The following CWC22 variants were observed in gnomAD, a reference collection of about 807,000 sequenced individuals.
CWC22 encodes pre-mRNA-splicing factor CWC22 homolog.
Under a neutral mutation model 117.2 loss-of-function variants are expected in CWC22, and 53 were observed. The ratio of observed to expected loss-of-function variants is 0.45; its 90% CI spans 0.36 to 0.57. The LOEUF (loss-of-function observed/expected upper bound fraction) is 0.57. Among genes scored for constraint, CWC22 ranks in the 20% least tolerant of loss-of-function variants. CWC22 has a pLI of 0.00. For synonymous variants in CWC22, 360 were observed against 355.6 expected (o/e 1.01, Z -0.14); for missense variants, 980 against 1,068.8 (o/e 0.92, Z 1.16).
chr2:179,973,606 A>C (rs1575648602), intron 7 of CWC22, 28 bp downstream of exon 7: 2 of 1,421,128 alleles, frequency 1.4e-6, no homozygotes, highest in East Asian at 4.7e-5. Flanking sequence ...CCTATGTATC[A>C]TTCTACTTAC....
At chr2:180,005,198 T>C (rs1246667977) in intron 1 of CWC22, among the ~76,000 whole-genome samples, 1 of 152,200 alleles carries the variant, frequency 6.6e-6, no homozygotes, top group Non-Finnish European at 1.5e-5. Context: ...TCAAAGTTCT[T>C]GGCCTTTAAC....
intron 4 of CWC22, 69 bp downstream of exon 4, chr2:179,986,626 T>A (rs531062203): frequency 1.5e-5 from 13 of 879,394 alleles, no homozygotes; most frequent in Middle Eastern, 4.4e-4. Flanking sequence ...TTGTTTTTAT[T>A]ACAAATGTAG....
chr2:179,993,194 C>T (rs947865496), intron 2 of CWC22, 121 bp downstream of exon 2: 3 of 725,028 alleles, frequency 4.1e-6, no homozygotes, highest in South Asian at 1.8e-5. Context: ...ACTTTTGCAC[C>T]AACCTAAGTG....
At chr2:180,003,130 C>T (rs1687885919) in intron 1 of CWC22, among the ~76,000 whole-genome samples, 1 of 152,194 alleles carries the variant, frequency 6.6e-6, no homozygotes, top group South Asian at 2.1e-4. Flanking sequence ...GTTGTCTCAC[C>T]TATTAACTCC....
At chr2:179,945,964 C>A (rs1316902874) in intron 19 of CWC22, among the ~76,000 whole-genome samples, 1 of 152,092 alleles carries the variant, frequency 6.6e-6, no homozygotes, top group Non-Finnish European at 1.5e-5. Flanking sequence ...CTCACTGCAA[C>A]CTCCGCCTCC....
intron 19 of CWC22, among the ~76,000 whole-genome samples, chr2:179,946,811 A>C (rs1234864305): frequency 6.6e-6 from 1 of 152,154 alleles, no homozygotes. Context: ...CTTCCTGCAA[A>C]AACAATAGTT....
At chr2:179,963,484 A>C (rs904670211) in intron 13 of CWC22, among the ~76,000 whole-genome samples, 4 of 150,728 alleles carry the variant, frequency 2.7e-5, no homozygotes, top group Non-Finnish European at 4.4e-5. Context: ...CTGGGACTAC[A>C]GGCGCCCGCT....
chr2:179,950,704 T>C lies in CWC22; in HGVS notation c.1948A>G (p.Thr650Ala). The stretch of plus-strand genomic sequence containing the variant: ...TTCTGCGCCACAATGACCTTTGGTG[T>C]ATTTTTGAGATGCTCCCGCAGTTCA... ...TDELREHLKN[T>A]PKVIVAQKPD... Residue 650 changes from threonine (T) to alanine (A), a missense_variant, in exon 19 of 20, where the codon ACA becomes GCA. Transcript: ENST00000410053. 1 of 1,613,638 alleles carries C rather than the reference T, an allele frequency of 6.2e-7. No homozygotes were observed. Among genetic ancestry groups the C allele is most frequent in the Non-Finnish European group, 8.5e-7 (1 of 1,179,586 alleles).
At chr2:179,963,176 G>C (rs771885720) in intron 13 of CWC22, among the ~76,000 whole-genome samples, 22 of 151,856 alleles carry the variant, frequency 1.4e-4, no homozygotes, top group Non-Finnish European at 2.5e-4. Context: ...CAAAGTTAAT[G>C]TAACTGCAAT....
intron 14 of CWC22, among the ~76,000 whole-genome samples, chr2:179,956,741 C>T (rs992900649): frequency 6.6e-6 from 1 of 151,526 alleles, no homozygotes; most frequent in Non-Finnish European, 1.5e-5. Context: ...TTTCTAAATT[C>T]TACCAAATTA....
At chr2:180,005,699 G>C (rs967881524) in intron 1 of CWC22, among the ~76,000 whole-genome samples, 2 of 152,198 alleles carry the variant, frequency 1.3e-5, no homozygotes, top group Non-Finnish European at 2.9e-5. Context: ...CTGTATCATA[G>C]TAGTAATTTA....
intron 1 of CWC22, among the ~76,000 whole-genome samples, chr2:179,997,259 A>G (rs548727066): frequency 7.2e-5 from 11 of 152,238 alleles, no homozygotes; most frequent in Admixed American, 2.6e-4. Flanking sequence ...GTGATACAAT[A>G]TGGACTCTAA....
intron 1 of CWC22, among the ~76,000 whole-genome samples, chr2:180,004,269 T>C (rs1411777325): frequency 6.6e-6 from 1 of 152,246 alleles, no homozygotes; most frequent in Non-Finnish European, 1.5e-5. Flanking sequence ...AGTTAAGGCA[T>C]GGGCATCTGA....
At chr2:179,972,982 C>CT (rs1016274056) in intron 8 of CWC22, among the ~76,000 whole-genome samples, 2 of 151,456 alleles carry the variant, frequency 1.3e-5, no homozygotes, top group African/African-American at 4.9e-5. Context: ...GCACTCCAGC[C>CT]TGGGCGACAG....
At chr2:179,962,476 A>G (rs1686777957) in intron 13 of CWC22, among the ~76,000 whole-genome samples, 1 of 152,156 alleles carries the variant, frequency 6.6e-6, no homozygotes, top group Non-Finnish European at 1.5e-5. Flanking sequence ...TACAGTTAAG[A>G]AAATACTACA....
At chr2:179,959,190 A>AT in intron 13 of CWC22, 108 bp from the exon 14 acceptor site, 1 of 720,844 alleles carries the variant, frequency 1.4e-6, no homozygotes, top group Non-Finnish European at 2.3e-6. Flanking sequence ...TTTAACTGTA[A>AT]TTTCATATTG....
intron 1 of CWC22, among the ~76,000 whole-genome samples, chr2:180,006,601 A>T: frequency 6.6e-6 from 1 of 152,230 alleles, no homozygotes; most frequent in East Asian, 1.9e-4. Context: ...TGCCGGCAAG[A>T]GGCATAAGAG....
At position 179,965,887 on chromosome 2, in the gene CWC22, C is replaced by G; in HGVS notation, c.1306G>C (p.Asp436His). The G allele has an allele frequency of 6.6e-7, 1 of 1,525,914 alleles. No individual in the cohort carries two copies. The highest frequency in any genetic ancestry group is 9.1e-7 in the Non-Finnish European group (1 of 1,100,430). The allele number at this position is 1,525,914 out of a possible 1,614,324, so 94.5% of individuals were successfully genotyped here. A position where few individuals can be genotyped will look rare whatever the true frequency, so the allele number is the denominator to read the frequency against. Reference protein sequence around the residue: ...EEEEEEEGEEDEEGQKVTIHD... With the variant: ...EEEEEEEGEEHEEGQKVTIHD... ...TATGCTACATGTTTACCTTCTTCAT[C>G]TTCTTCTCCCTCTTCCTCTTCTTCT... is the stretch of plus-strand genomic sequence containing the variant. Residue 436 changes from aspartate (D) to histidine (H), a missense_variant, in exon 12 of 20, where the codon GAT becomes CAT. Physicochemically the swap from Asp to His is moderately conservative, Grantham distance 81. Around this residue, in one of 3 missense-constraint regions of CWC22, gnomAD observed 559 missense variants for 602.3 expected, o/e 0.93. Coordinates refer to ENST00000410053, the MANE Select transcript of CWC22 (RefSeq NM_020943.3).
intron 17 of CWC22, among the ~76,000 whole-genome samples, chr2:179,952,144 TATC>T (rs1209240500): frequency 6.6e-6 from 1 of 152,130 alleles, no homozygotes; most frequent in Non-Finnish European, 1.5e-5. Flanking sequence ...TAATATTAGT[TATC>T]ATTCTAAGGC....
Sources: gnomAD v4.1 joint callset for allele counts (sites outside exome capture counted in the v4.1 genomes callset) on GRCh38, gnomAD v4.1.1 for gene constraint, gnomAD v4.1.1 regional missense constraint, MANE v1.5 for transcripts, NCBI Gene and HGNC (gene_info 2026-07-23, HGNC 2026-07-21) for gene names.